CERK: variants seen among roughly 807,000 people sequenced by gnomAD.
CERK encodes ceramide kinase.
In CERK, 39 loss-of-function variants were observed where a neutral mutation model predicts 63.4. That is an observed-to-expected ratio of 0.61 (90% CI 0.48 to 0.80). CERK has a LOEUF of 0.80. Among genes scored for constraint, CERK ranks in the 30% least tolerant of loss-of-function variants. CERK has a pLI of 0.00. For missense variants in CERK, 670 were observed against 714.1 expected (o/e 0.94, Z 0.70); for synonymous variants, 302 against 280.0 (o/e 1.08, Z -0.78).
rs2082821676 is a variant in CERK at position 46,707,930 on chromosome 22, T to G, written c.628A>C (p.Arg210=). Residue 210 remains arginine, a synonymous_variant, in exon 6 of 13, where the codon AGG becomes CGG. Coordinates refer to ENST00000216264, the MANE Select transcript of CERK (RefSeq NM_022766.6). ...TCGACCCCGGCGCTCCTCTGCGTCC[T>G]CCCAATCAGACCGTGCAGCACCTCG... ...FSEVLHGLIG[R]TQRSAGVDQN... 1 of 1,613,848 alleles carries G rather than the reference T, an allele frequency of 6.2e-7. No homozygotes were observed.
rs573144169 is a variant in CERK, at chr22:46,711,257, G to A, written c.506-108C>T. On this transcript the variant is annotated intron_variant, in intron 4 of 12. Coordinates refer to ENST00000216264, the MANE Select transcript of CERK (RefSeq NM_022766.6). ...ATGAGTTCCTGTAACACCTTCAGGC[G>A]GATTTCCTAGATAAAATTCCCTCTT... 1,207 of 792,094 alleles carry A rather than the reference G, an allele frequency of 1.5e-3. 6 individuals are homozygous for A. Among genetic ancestry groups the A allele is most frequent in the Non-Finnish European group, 1.9e-3 (883 of 457,548 alleles). The allele number at this position is 792,094 out of a possible 1,614,324, so 49.1% of individuals were successfully genotyped here.
At chr22:46,692,904 C>CAAAAAA (rs34255348) in intron 10 of CERK, among the ~76,000 whole-genome samples, 5 of 92,978 alleles carry the variant, frequency 5.4e-5, no homozygotes, top group Non-Finnish European at 8.9e-5. Context: ...AAACTCCATC[C>CAAAAAA]AAAAAAAAAA....
chr22:46,691,873 C>A, intron 10 of CERK, 96 bp from the exon 11 acceptor site: 57 of 812,460 alleles, frequency 7.0e-5, no homozygotes, highest in Non-Finnish European at 8.8e-5. Flanking sequence ...CTCTCACCTG[C>A]TCATGCATTT....
chr22:46,695,441 G>C, intron 8 of CERK, 126 bp from the exon 9 acceptor site: 1 of 695,410 alleles, frequency 1.4e-6, no homozygotes, highest in Admixed American at 2.0e-5. Context: ...AGGAGGGAGA[G>C]GCCGGGCCTG....
At position 46,691,766 on chromosome 22, in the gene CERK, C is replaced by T; in HGVS notation, c.1138G>A (p.Glu380Lys). 4 of 1,609,400 alleles carry T rather than the reference C, an allele frequency of 2.5e-6. No homozygotes were observed. Among genetic ancestry groups the T allele is most frequent in the Non-Finnish European group, 3.4e-6 (4 of 1,176,372 alleles). ...YGLEAAEDVE[E>K]WQVVCGKFLA... is the part of the protein sequence containing the mutation. ...AACTTCCCACAGACGACTTGCCACT[C>T]CTCCACGTCCTCTGAAGCACAAAGA... is the stretch of plus-strand genomic sequence containing the variant. The change falls in exon 11 of 13, where the codon GAG becomes AAG. Residue 380 changes from glutamate to lysine, a missense_variant. Transcript: ENST00000216264.
At chr22:46,717,995 C>A (rs553808380) in intron 3 of CERK, among the ~76,000 whole-genome samples, 9 of 152,032 alleles carry the variant, frequency 5.9e-5, no homozygotes, top group Admixed American at 2.0e-4. Context: ...ACAGGAGAAT[C>A]GCTTGAACCC....
Position 46,721,019 on chromosome 22 carries a change from T to C in CERK, c.143-4A>G. The C allele has an allele frequency of 1.3e-6, 2 of 1,576,484 alleles. No individual in the cohort carries two copies. The highest frequency in any genetic ancestry group is 1.3e-5 in the African/African-American group (1 of 74,180). ...GATACAGGCACAGAGCAGGCATCTG[T>C]AAAAACACCACGTCCTTCTGTCAAA... On this transcript the variant is annotated splice_region_variant and splice_polypyrimidine_tract_variant and intron_variant, in intron 1 of 12. Coordinates refer to ENST00000216264, the MANE Select transcript of CERK (RefSeq NM_022766.6).
At position 46,738,089 on chromosome 22, in the gene CERK, G is replaced by C. The variant is rs2082984969; in HGVS notation, c.60C>G (p.Arg20=). ...GCGCGGGCTCCAGGCTCACGGCGCA[G>C]CGCTGCTGCTTCACCCACAGCACGG... ...LQSVLWVKQQ[R]CAVSLEPARA... is the part of the protein sequence containing the mutation. The change falls in exon 1 of 13, where the codon CGC becomes CGG. Residue 20 remains arginine (R), a synonymous_variant. Transcript: ENST00000216264. 7.8e-7 allele frequency: 1 copy of C among 1,290,290 alleles called. No individual in the cohort carries two copies. Among genetic ancestry groups the C allele is most frequent in the Non-Finnish European group, 9.9e-7 (1 of 1,011,366 alleles). 79.9% of individuals were successfully genotyped at this position (1,290,290 alleles called of 1,614,324 possible). A position where few individuals can be genotyped will look rare whatever the true frequency, so the allele number is the denominator to read the frequency against.
intron 3 of CERK, among the ~76,000 whole-genome samples, chr22:46,717,917 C>T (rs2082874118): frequency 6.6e-6 from 1 of 152,084 alleles, no homozygotes. Context: ...TCTGTCTCTA[C>T]AACAAATACA....
At chr22:46,701,765 G>T in intron 6 of CERK, 55 bp from the exon 7 acceptor site, 1 of 1,346,990 alleles carries the variant, frequency 7.4e-7, no homozygotes. Flanking sequence ...AATTGTAATC[G>T]CCTCCCAATT....
At chr22:46,713,328 T>C (rs1036342281) in intron 3 of CERK, among the ~76,000 whole-genome samples, 8 of 149,202 alleles carry the variant, frequency 5.4e-5, no homozygotes, top group East Asian at 2.0e-4. Flanking sequence ...CACGGTGAAA[T>C]CCCGTCTCTA....
intron 7 of CERK, among the ~76,000 whole-genome samples, chr22:46,701,052 A>AATTTCT (rs2082781090): frequency 6.6e-6 from 1 of 152,070 alleles, no homozygotes; most frequent in Admixed American, 6.5e-5. Flanking sequence ...TAAAATATAC[A>AATTTCT]GTTTCTGTGA....
rs573658951 is a variant in CERK at position 46,721,530 on chromosome 22, T to C, written c.143-515A>G. 5.3e-5 allele frequency among the ~76,000 whole-genome samples: 8 copies of C among 152,314 alleles called. No individual in the cohort carries two copies. The East Asian group carries it at 1.3e-3, about 26-fold the overall frequency. On this transcript the variant is annotated intron_variant, in intron 1 of 12. Transcript: ENST00000216264. ...TGTTACCAGACGGCGGGATGTTTTA[T>C]TCAGCCGAGTCACCAAATGGAGGCT...
At chr22:46,731,695 T>C (rs941779659) in intron 1 of CERK, among the ~76,000 whole-genome samples, 3 of 151,928 alleles carry the variant, frequency 2.0e-5, no homozygotes, top group East Asian at 3.9e-4. Context: ...CGGGAGATAA[T>C]GACGGCTGGG....
At chr22:46,710,409 A>G (rs2082834715) in intron 5 of CERK, among the ~76,000 whole-genome samples, 1 of 152,028 alleles carries the variant, frequency 6.6e-6, no homozygotes, top group Non-Finnish European at 1.5e-5. Flanking sequence ...CCTGGGCAAC[A>G]AGAGCGAAAC....
intron 5 of CERK, among the ~76,000 whole-genome samples, chr22:46,710,526 G>A (rs2082835504): frequency 6.6e-6 from 1 of 151,870 alleles, no homozygotes; most frequent in South Asian, 2.1e-4. Context: ...AATCTCCTAT[G>A]ACTAATTTCA....
intron 9 of CERK, 64 bp from the exon 10 acceptor site, chr22:46,693,567 C>G: frequency 1.6e-6 from 2 of 1,287,608 alleles, no homozygotes; most frequent in South Asian, 1.2e-5. Context: ...GTATGCTTGG[C>G]ACATATAGAT....
chr22:46,713,983 A>C (rs2082855675), intron 3 of CERK, among the ~76,000 whole-genome samples: 1 of 152,094 alleles, frequency 6.6e-6, no homozygotes, highest in African/African-American at 2.4e-5. Context: ...GATCAAAAAA[A>C]ATCAGGCCAG....
Position 46,728,056 on chromosome 22 carries a change from G to A in CERK, c.143-7041C>T, listed in dbSNP as rs558898527. ...GAGGGCAGGGTGGAATTACACACCT[G>A]CGCAGCCCCTGTGTGTGGGTTCAGG... On this transcript the variant is annotated intron_variant, in intron 1 of 12. Transcript: ENST00000216264. Among the ~76,000 whole-genome samples the A allele has an allele frequency of 3.3e-5, 5 of 152,274 alleles. No individual in the cohort carries two copies. The South Asian group carries it at 1.0e-3, about 32-fold the overall frequency.
Sources: allele counts gnomAD v4.1 joint callset (sites outside exome capture counted in the v4.1 genomes callset), GRCh38; gene constraint gnomAD v4.1.1; transcripts MANE v1.5; gene names NCBI Gene and HGNC (gene_info 2026-07-23, HGNC 2026-07-21).